KCNJ6: variants seen among roughly 807,000 people sequenced by gnomAD.
The protein encoded by KCNJ6 is potassium inwardly rectifying channel subfamily J member 6.
In KCNJ6, 9 loss-of-function variants were observed where a neutral mutation model predicts 34.2. The ratio of observed to expected loss-of-function variants is 0.26; its 90% CI spans 0.16 to 0.46. The LOEUF (loss-of-function observed/expected upper bound fraction) is 0.46. Among genes scored for constraint, KCNJ6 ranks in the 20% least tolerant of loss-of-function variants. The pLI is 1.00. For synonymous variants in KCNJ6, 196 were observed against 207.1 expected, an observed-to-expected ratio of 0.95 and a Z score of 0.46; for missense variants, 236 against 531.3, an observed-to-expected ratio of 0.44 and a Z score of 5.46.
rs565073377 is a variant in KCNJ6, at chr21:37,663,826, A to G, written c.947-38342T>C. Among the ~76,000 whole-genome samples, 18 of 152,374 alleles carry G rather than the reference A, an allele frequency of 1.2e-4. No homozygotes were observed. In the South Asian group the frequency reaches 3.7e-3, roughly 32 times the overall value. On this transcript the variant is annotated intron_variant, in intron 3 of 3. Coordinates refer to ENST00000609713, the MANE Select transcript of KCNJ6 (RefSeq NM_002240.5). ...AAAATTAAATTAATAGACAAAAATC[A>G]GTAAGAATATACGCATACCTATGAA...
rs1568875152 is a variant in KCNJ6, at chr21:37,859,532, A to ATAT, written c.-27-18824_-27-18823insATA. ...ATATATATATATATATATATATATA[A>ATAT]AATACTTAAAAAGCTCTACAGATGA... is the stretch of plus-strand genomic sequence containing the variant. On this transcript the variant is annotated intron_variant, in intron 1 of 3. Transcript: ENST00000609713. Among the ~76,000 whole-genome samples, 352 of 77,510 alleles carry ATAT rather than the reference A, an allele frequency of 4.5e-3. 2 individuals carry two copies. Among genetic ancestry groups the ATAT allele is most frequent in the African/African-American group, 0.011 (145 of 13,200 alleles). The allele number at this position is 77,510 out of a possible 152,430, so 50.8% of individuals were successfully genotyped here.
intron 2 of KCNJ6, among the ~76,000 whole-genome samples, chr21:37,720,635 G>A (rs2054820276): frequency 1.3e-5 from 2 of 152,146 alleles, no homozygotes; most frequent in Non-Finnish European, 1.5e-5. Context: ...TAGTGACACA[G>A]AAGTGTGGTT....
At chr21:37,821,553 C>A (rs768125696) in intron 2 of KCNJ6, among the ~76,000 whole-genome samples, 29 of 152,240 alleles carry the variant, frequency 1.9e-4, no homozygotes, top group South Asian at 6.2e-4. Flanking sequence ...CCCCTGCCCC[C>A]CCAACAGGCC....
At chr21:37,845,870 A>G (rs569787182) in intron 1 of KCNJ6, among the ~76,000 whole-genome samples, 3 of 152,316 alleles carry the variant, frequency 2.0e-5, no homozygotes, top group African/African-American at 7.2e-5. Context: ...TGCAGAACCT[A>G]GGCACACTGC....
In KCNJ6 at chr21:37,614,086, T is replaced by C. The variant is rs1308742230; in HGVS notation, c.*11073A>G. ...GCTCTAAAAAATAAAATTTATCAAG[T>C]TTTTAAAAAAGGGGTGGAGGAAGCT... On this transcript the variant is annotated 3_prime_UTR_variant, in exon 4 of 4. Coordinates refer to ENST00000609713, the MANE Select transcript of KCNJ6 (RefSeq NM_002240.5). 6.6e-6 allele frequency: 1 copy of C among 152,096 alleles called. No homozygotes were observed. The highest frequency in any genetic ancestry group is 6.6e-5 in the Admixed American group (1 of 15,264). 9.4% of individuals were successfully genotyped at this position (152,096 alleles called of 1,614,324 possible).
At chr21:37,765,062 A>G (rs1166937013) in intron 2 of KCNJ6, among the ~76,000 whole-genome samples, 1 of 152,202 alleles carries the variant, frequency 6.6e-6, no homozygotes, top group Non-Finnish European at 1.5e-5. Flanking sequence ...AAATTAAATT[A>G]TATAAACTTA....
At position 37,748,809 on chromosome 21, in the gene KCNJ6, TA is replaced by T. The variant is rs150337329; in HGVS notation, c.26-33679del. 4.2e-3 allele frequency among the ~76,000 whole-genome samples: 646 copies of T among 152,282 alleles called. 4 individuals are homozygous for T. The highest frequency in any genetic ancestry group is 0.014 in the African/African-American group (578 of 41,564). ...AAACCTAGTGGGGTCTGAGTTGCCC[TA>T]CGGAGGTTTTATCCCCGCAAAACTC... On this transcript the variant is annotated intron_variant, in intron 2 of 3. Coordinates refer to ENST00000609713, the MANE Select transcript of KCNJ6 (RefSeq NM_002240.5).
At chr21:37,801,593 A>G (rs1162599576) in intron 2 of KCNJ6, among the ~76,000 whole-genome samples, 1 of 152,160 alleles carries the variant, frequency 6.6e-6, no homozygotes, top group Non-Finnish European at 1.5e-5. Context: ...CGCTGAGCGA[A>G]TATGTCTCCC....
At chr21:37,777,072 C>A (rs949830806) in intron 2 of KCNJ6, among the ~76,000 whole-genome samples, 2 of 152,120 alleles carry the variant, frequency 1.3e-5, no homozygotes, top group African/African-American at 4.8e-5. Flanking sequence ...CTGGTTTAGT[C>A]TTGGGAGGGC....
intron 3 of KCNJ6, among the ~76,000 whole-genome samples, chr21:37,655,214 TGTGTGTGTGTGAGAGA>T (rs1569438843): frequency 2.9e-4 from 21 of 72,342 alleles, no homozygotes; most frequent in South Asian, 4.3e-4. Flanking sequence ...TGTGTGTGTG[TGTGTGTGTGTGAGAGA>T]GAGAGAGAGA....
chr21:37,761,235 G>A (rs532823995), intron 2 of KCNJ6, among the ~76,000 whole-genome samples: 2 of 151,452 alleles, frequency 1.3e-5, no homozygotes, highest in South Asian at 2.1e-4. Flanking sequence ...GTCTGTGTGT[G>A]TGGTGTGTGC....
At chr21:37,702,609 C>T (rs889993181) in intron 3 of KCNJ6, among the ~76,000 whole-genome samples, 4 of 152,068 alleles carry the variant, frequency 2.6e-5, no homozygotes, top group Non-Finnish European at 4.4e-5. Flanking sequence ...TCTTTGAGTG[C>T]AGAGCTCAGG....
intron 1 of KCNJ6, among the ~76,000 whole-genome samples, chr21:37,908,699 A>C (rs919879350): frequency 1.3e-5 from 2 of 152,228 alleles, no homozygotes; most frequent in Non-Finnish European, 2.9e-5. Flanking sequence ...CACCTACTCC[A>C]AAAGTCAACA....
chr21:37,757,903 A>G (rs1164248843), intron 2 of KCNJ6, among the ~76,000 whole-genome samples: 2 of 152,258 alleles, frequency 1.3e-5, no homozygotes, highest in East Asian at 3.9e-4. Flanking sequence ...TAATTAATAC[A>G]ACAACAGAAA....
intron 2 of KCNJ6, among the ~76,000 whole-genome samples, chr21:37,812,099 G>A (rs578239555): frequency 4.0e-4 from 61 of 152,268 alleles, no homozygotes; most frequent in African/African-American, 1.0e-3. Context: ...TCTGACCCCC[G>A]TGAAATTGGA....
At chr21:37,890,733 GT>G (rs2055758174) in intron 1 of KCNJ6, among the ~76,000 whole-genome samples, 1 of 152,070 alleles carries the variant, frequency 6.6e-6, no homozygotes, top group Non-Finnish European at 1.5e-5. Flanking sequence ...GTGTCAAAAG[GT>G]TTTCCCCTGC....
At position 37,645,710 on chromosome 21, in the gene KCNJ6, G is replaced by T. The variant is rs895241945; in HGVS notation, c.947-20226C>A. ...TGACCCTGGAACGGGTGAGCACCCA[G>T]TGGTATCCCAGGTACCAGTGTTCCT... is the stretch of plus-strand genomic sequence containing the variant. On this transcript the variant is annotated intron_variant, in intron 3 of 3. Coordinates refer to ENST00000609713, the MANE Select transcript of KCNJ6 (RefSeq NM_002240.5). Among the ~76,000 whole-genome samples the T allele has an allele frequency of 3.9e-5, 6 of 152,326 alleles. No homozygotes were observed. In the South Asian group the frequency reaches 6.2e-4, roughly 16 times the overall value.
At chr21:37,722,814 A>T (rs930491046) in intron 2 of KCNJ6, among the ~76,000 whole-genome samples, 1 of 152,194 alleles carries the variant, frequency 6.6e-6, no homozygotes, top group Non-Finnish European at 1.5e-5. Context: ...TAAATGTAAG[A>T]CCTCAAACTA....
At chr21:37,658,949 C>T (rs775850772) in intron 3 of KCNJ6, among the ~76,000 whole-genome samples, 3 of 152,216 alleles carry the variant, frequency 2.0e-5, no homozygotes, top group Non-Finnish European at 4.4e-5. Flanking sequence ...TGTTCTCTTT[C>T]TCCAAATGAT....
Sources: gnomAD v4.1 joint callset for allele counts (sites outside exome capture counted in the v4.1 genomes callset) on GRCh38, gnomAD v4.1.1 for gene constraint, MANE v1.5 for transcripts, NCBI Gene and HGNC (gene_info 2026-07-23, HGNC 2026-07-21) for gene names.